Variants in CHCHD6 observed in about 807,000 individuals in gnomAD.
CHCHD6 encodes the protein coiled-coil-helix-coiled-coil-helix domain containing 6.
A neutral mutation model predicts 32.3 loss-of-function variants in CHCHD6; 28 were observed. The ratio of observed to expected loss-of-function variants is 0.87; its 90% confidence interval spans 0.64 to 1.19. CHCHD6 has a LOEUF of 1.19. Ranked by LOEUF, CHCHD6 falls within the 50% of genes most tolerant of loss-of-function variation. The pLI, the probability that CHCHD6 is intolerant of heterozygous loss-of-function variation, is 0.00. For missense variants in CHCHD6, 333 were observed against 307.0 expected, an observed-to-expected ratio of 1.08 and a Z score of -0.63; for synonymous variants, 122 against 117.5, an observed-to-expected ratio of 1.04 and a Z score of -0.25.
intron 5 of CHCHD6, among the ~76,000 whole-genome samples, chr3:126,884,994 A>G (rs1308409100): frequency 6.6e-6 from 1 of 152,140 alleles, no homozygotes; most frequent in Middle Eastern, 3.2e-3. Flanking sequence ...CTCTCCACTG[A>G]GGAGTAGAAG....
rs1057369057 is a variant in CHCHD6 at position 126,749,508 on chromosome 3, G to C, written c.411+16286G>C. Among the ~76,000 whole-genome samples, 4 of 152,286 alleles carry C rather than the reference G, an allele frequency of 2.6e-5. No individual in the cohort carries two copies. In the East Asian group the frequency reaches 5.8e-4, roughly 22 times the overall value. ...ACTCCTCTCTGGCCTCCCTACCTCT[G>C]GGTCCTTCTATCAGTTATGGTCTAG... On this transcript the variant is annotated intron_variant, in intron 4 of 7. Coordinates refer to ENST00000290913, the MANE Select transcript of CHCHD6 (RefSeq NM_032343.3).
At position 126,818,670 on chromosome 3, in the gene CHCHD6, G is replaced by A. The variant is rs73201799; in HGVS notation, c.412-33977G>A. On this transcript the variant is annotated intron_variant, in intron 4 of 7. Coordinates refer to ENST00000290913, the MANE Select transcript of CHCHD6 (RefSeq NM_032343.3). ...GGATTGGCCACCATTACCTAGTGCC[G>A]CAGGTCTCTTCCTGAAAGGCAGTGG... 8.0e-3 allele frequency among the ~76,000 whole-genome samples: 1,224 copies of A among 152,258 alleles called. 8 individuals are homozygous for A. The highest frequency in any genetic ancestry group is 0.014 in the Middle Eastern group (4 of 294).
At chr3:126,918,734 G>C (rs1293636295) in intron 6 of CHCHD6, among the ~76,000 whole-genome samples, 1 of 152,220 alleles carries the variant, frequency 6.6e-6, no homozygotes, top group African/African-American at 2.4e-5. Context: ...GCTCCAAGAA[G>C]TGAGCATGAG....
chr3:126,810,223 T>G (rs914513263), intron 4 of CHCHD6, among the ~76,000 whole-genome samples: 9 of 152,230 alleles, frequency 5.9e-5, no homozygotes, highest in Admixed American at 2.6e-4. Flanking sequence ...GTGAATAATA[T>G]TTCCAGTCAT....
chr3:126,793,473 A>G (rs1938646407), intron 4 of CHCHD6, among the ~76,000 whole-genome samples: 1 of 152,166 alleles, frequency 6.6e-6, no homozygotes, highest in Non-Finnish European at 1.5e-5. Context: ...TCCAAGTGGA[A>G]TATAGAAACC....
intron 4 of CHCHD6, among the ~76,000 whole-genome samples, chr3:126,748,244 CA>C (rs1936584484): frequency 6.6e-6 from 1 of 152,182 alleles, no homozygotes; most frequent in Non-Finnish European, 1.5e-5. Context: ...CTTGGAATCA[CA>C]GTGGTAGTCA....
intron 5 of CHCHD6, among the ~76,000 whole-genome samples, chr3:126,912,264 G>A (rs1260971059): frequency 6.6e-6 from 1 of 152,238 alleles, no homozygotes; most frequent in Non-Finnish European, 1.5e-5. Flanking sequence ...CACCCAGGCT[G>A]TGGCGGAAGG....
intron 5 of CHCHD6, among the ~76,000 whole-genome samples, chr3:126,858,899 T>C (rs1412605806): frequency 1.3e-5 from 2 of 152,174 alleles, no homozygotes; most frequent in Non-Finnish European, 2.9e-5. Flanking sequence ...TACACCTCAC[T>C]GGAGTGCCCC....
intron 1 of CHCHD6, among the ~76,000 whole-genome samples, chr3:126,719,101 G>A (rs779543072): frequency 2.0e-5 from 3 of 152,154 alleles, no homozygotes; most frequent in African/African-American, 4.8e-5. Context: ...GATCAGATGT[G>A]AATGCTTTAC....
At chr3:126,903,189 C>T (rs528592406) in intron 5 of CHCHD6, among the ~76,000 whole-genome samples, 3 of 152,326 alleles carry the variant, frequency 2.0e-5, no homozygotes, top group Admixed American at 2.0e-4. Flanking sequence ...CCTCTGCACT[C>T]CACCTGGAAG....
At chr3:126,874,746 C>T (rs918326594) in intron 5 of CHCHD6, among the ~76,000 whole-genome samples, 1 of 152,122 alleles carries the variant, frequency 6.6e-6, no homozygotes, top group African/African-American at 2.4e-5. Flanking sequence ...CCTTTAGTCC[C>T]ACAGCTTCAA....
rs553958613 is a variant in CHCHD6, at chr3:126,881,110, A to G, written c.495+28380A>G. On this transcript the variant is annotated intron_variant, in intron 5 of 7. Coordinates refer to ENST00000290913, the MANE Select transcript of CHCHD6 (RefSeq NM_032343.3). The stretch of plus-strand genomic sequence containing the variant: ...GTCTGTGGCCAGGAAAGCTTCCTCA[A>G]AAGAAAGTTAATGGCTGCCAAGCCC... 1.4e-3 allele frequency among the ~76,000 whole-genome samples: 211 copies of G among 152,390 alleles called. 1 individual carries two copies. Among genetic ancestry groups the G allele is most frequent in the African/African-American group, 5.0e-3 (207 of 41,598 alleles).
chr3:126,882,628 CT>C (rs1291468307), intron 5 of CHCHD6, among the ~76,000 whole-genome samples: 4 of 152,218 alleles, frequency 2.6e-5, no homozygotes, highest in African/African-American at 9.6e-5. Context: ...ACCTTTTTTA[CT>C]CCTCACAGCA....
intron 1 of CHCHD6, among the ~76,000 whole-genome samples, chr3:126,711,441 G>A (rs1244100272): frequency 2.6e-5 from 4 of 152,196 alleles, no homozygotes; most frequent in African/African-American, 9.7e-5. Context: ...TGTTTTATAT[G>A]ATTACTTTTC....
intron 6 of CHCHD6, among the ~76,000 whole-genome samples, chr3:126,943,379 G>A (rs1262510233): frequency 6.6e-6 from 1 of 152,214 alleles, no homozygotes; most frequent in Non-Finnish European, 1.5e-5. Context: ...CATGGCTGTG[G>A]GATGTGTCCA....
intron 5 of CHCHD6, among the ~76,000 whole-genome samples, chr3:126,867,827 C>T (rs2107565460): frequency 6.6e-6 from 1 of 152,302 alleles, no homozygotes. Context: ...TGGCTCCTTG[C>T]TAATCTCTCA....
intron 4 of CHCHD6, among the ~76,000 whole-genome samples, chr3:126,798,933 T>G (rs1449639590): frequency 6.6e-6 from 1 of 152,234 alleles, no homozygotes; most frequent in African/African-American, 2.4e-5. Flanking sequence ...CGTTTTTCTT[T>G]CTTCCCCAGG....
At chr3:126,740,284 G>A (rs914587892) in intron 4 of CHCHD6, among the ~76,000 whole-genome samples, 2 of 152,134 alleles carry the variant, frequency 1.3e-5, no homozygotes, top group African/African-American at 4.8e-5. Flanking sequence ...GGAAGGCCTG[G>A]AGTGCCTATG....
At chr3:126,931,611 A>G (rs1242019992) in intron 6 of CHCHD6, among the ~76,000 whole-genome samples, 1 of 152,076 alleles carries the variant, frequency 6.6e-6, no homozygotes, top group African/African-American at 2.4e-5. Flanking sequence ...TCTGCCCCCC[A>G]GGTCATTTTA....
Sources: allele counts gnomAD v4.1 joint callset (sites outside exome capture counted in the v4.1 genomes callset), GRCh38; gene constraint gnomAD v4.1.1; transcripts MANE v1.5; gene names NCBI Gene and HGNC (gene_info 2026-07-23, HGNC 2026-07-21).